The following KLF8 variants were observed in gnomAD, a reference collection of about 807,000 sequenced individuals.
The protein encoded by KLF8 is Krueppel-like factor 8.
A neutral mutation model predicts 18.2 loss-of-function variants in KLF8; 10 were observed. The observed-to-expected ratio is 0.55, with a 90% CI of 0.34 to 0.93. The LOEUF (loss-of-function observed/expected upper bound fraction) is 0.93. Ranked by LOEUF, KLF8 falls within the 40% of genes least tolerant of loss-of-function variation. The pLI is 0.02. For missense variants in KLF8, 264 were observed against 277.9 expected, an observed-to-expected ratio of 0.95 and a Z score of 0.36; for synonymous variants, 109 against 97.3, an observed-to-expected ratio of 1.12 and a Z score of -0.71.
the KLF8 span, among the ~76,000 whole-genome samples, chrX:56,139,339 G>A: frequency 1.8e-5 from 2 of 111,333 alleles, no homozygotes; most frequent in East Asian, 2.8e-4. Flanking sequence ...GAGCTCGAAC[G>A]GCCAAAACAA....
the KLF8 span, among the ~76,000 whole-genome samples, chrX:55,987,398 T>G: frequency 9.1e-6 from 1 of 109,888 alleles, no homozygotes; most frequent in African/African-American, 3.3e-5. Flanking sequence ...CCCCTTCCTG[T>G]GTCCATGTGT....
the KLF8 span, among the ~76,000 whole-genome samples, chrX:55,923,227 A>T: frequency 9.5e-6 from 1 of 104,824 alleles, no homozygotes; most frequent in East Asian, 3.0e-4. Context: ...AACACAGAAA[A>T]AGAAAATCAA....
chrX:56,226,169 G>T, the KLF8 span, among the ~76,000 whole-genome samples: 1 of 111,910 alleles, frequency 8.9e-6, no homozygotes, highest in African/African-American at 3.2e-5. Context: ...AGGGGGCAAG[G>T]TTGCTTCATA....
At chrX:56,032,168 G>A in the KLF8 span, among the ~76,000 whole-genome samples, 27 of 110,841 alleles carry the variant, frequency 2.4e-4, no homozygotes, top group African/African-American at 7.9e-4. Context: ...AACAGGTACC[G>A]AGTATAAAAC....
chrX:55,927,864 T>C, the KLF8 span, among the ~76,000 whole-genome samples: 1 of 112,029 alleles, frequency 8.9e-6, no homozygotes, highest in African/African-American at 3.2e-5. Flanking sequence ...CTAAGAAAAG[T>C]TGCAGAGGAT....
rs1569188841 is a variant in KLF8, at chrX:56,270,374, A to AT, written c.898+53_898+54insT. 186 of 1,037,255 alleles carry AT rather than the reference A, an allele frequency of 1.8e-4. 1 individual carries two copies. In the African/African-American group the frequency reaches 4.1e-3, roughly 23 times the overall value. The allele number at this position is 1,037,255 out of a possible 1,213,427, so 85.5% of individuals were successfully genotyped here. A position where few individuals can be genotyped will look rare whatever the true frequency, so the allele number is the denominator to read the frequency against. On this transcript the variant is annotated intron_variant, in intron 5 of 5. Coordinates refer to ENST00000468660, the MANE Select transcript of KLF8 (RefSeq NM_007250.5). ...CACACACACACACACACACACACAC[A>AT]CACACACGAGAGAGAGAGAGAGAGA...
the KLF8 span, among the ~76,000 whole-genome samples, chrX:56,176,336 G>A: frequency 9.0e-6 from 1 of 111,569 alleles, no homozygotes; most frequent in Non-Finnish European, 1.9e-5. Context: ...TGTCTGTAAA[G>A]CATTTTATTT....
chrX:56,205,805 G>T, the KLF8 span, among the ~76,000 whole-genome samples: 1 of 111,810 alleles, frequency 8.9e-6, no homozygotes. Flanking sequence ...TTTACTGGGA[G>T]ACTTTTTAAT....
At chrX:56,147,800 G>A in the KLF8 span, among the ~76,000 whole-genome samples, 6 of 112,100 alleles carry the variant, frequency 5.4e-5, no homozygotes, top group African/African-American at 1.3e-4. Flanking sequence ...CCAACATGGC[G>A]AAACTCTGTC....
chrX:55,920,625 A>G, the KLF8 span, among the ~76,000 whole-genome samples: 1 of 95,696 alleles, frequency 1.0e-5, no homozygotes, highest in Non-Finnish European at 2.1e-5. Flanking sequence ...GAAATGCAAA[A>G]TGCAGTGGAA....
At chrX:55,983,892 C>T in the KLF8 span, among the ~76,000 whole-genome samples, 2 of 110,073 alleles carry the variant, frequency 1.8e-5, no homozygotes. Flanking sequence ...TTTTCCAGTC[C>T]TGTGTAATTA....
intron 5 of KLF8, among the ~76,000 whole-genome samples, chrX:56,282,335 G>A (rs905483586): frequency 1.8e-5 from 2 of 111,962 alleles, no homozygotes; most frequent in Non-Finnish European, 3.8e-5. Flanking sequence ...TTTTTAATTT[G>A]ATAACATTTC....
At chrX:55,939,851 C>T in the KLF8 span, among the ~76,000 whole-genome samples, 1 of 111,722 alleles carries the variant, frequency 9.0e-6, no homozygotes, top group African/African-American at 3.3e-5. Context: ...CTGAATAGAC[C>T]AATAACAGGC....
chrX:56,052,527 G>A, the KLF8 span, among the ~76,000 whole-genome samples: 11 of 111,817 alleles, frequency 9.8e-5, no homozygotes, highest in Admixed American at 4.7e-4. Flanking sequence ...AATACCTGCC[G>A]TGTGAGGTGT....
chrX:56,161,014 G>A, the KLF8 span, among the ~76,000 whole-genome samples: 1 of 111,469 alleles, frequency 9.0e-6, no homozygotes, highest in African/African-American at 3.3e-5. Context: ...GCATGTTTTT[G>A]CAGTGGCTGG....
the KLF8 span, among the ~76,000 whole-genome samples, chrX:56,171,525 C>G: frequency 9.0e-6 from 1 of 110,676 alleles, no homozygotes. Context: ...CCTCCCCCTC[C>G]CTGAACCCCA....
At chrX:56,244,136 G>C (rs2066590915) in intron 1 of KLF8, among the ~76,000 whole-genome samples, 1 of 111,954 alleles carries the variant, frequency 8.9e-6, no homozygotes, top group South Asian at 3.8e-4. Flanking sequence ...TTACTAACTT[G>C]GTGATTTGGT....
chrX:56,149,326 G>A, the KLF8 span, among the ~76,000 whole-genome samples: 2 of 111,877 alleles, frequency 1.8e-5, no homozygotes, highest in Admixed American at 9.5e-5. Flanking sequence ...TTCAAAGGGA[G>A]AGGGTATAAA....
the KLF8 span, among the ~76,000 whole-genome samples, chrX:55,931,857 G>A: frequency 1.8e-5 from 2 of 110,576 alleles, no homozygotes; most frequent in Non-Finnish European, 3.8e-5. Flanking sequence ...ATTTGGAGTG[G>A]AGAGTTCTGT....
Sources: gnomAD v4.1 joint callset for allele counts (sites outside exome capture counted in the v4.1 genomes callset) on GRCh38, gnomAD v4.1.1 for gene constraint, MANE v1.5 for transcripts, NCBI Gene and HGNC (gene_info 2026-07-23, HGNC 2026-07-21) for gene names.